The following MAGI2 variants were observed in gnomAD, a reference collection of about 807,000 sequenced individuals.
The protein encoded by MAGI2 is membrane-associated guanylate kinase, WW and PDZ domain-containing protein 2.
In MAGI2, 35 loss-of-function variants were observed where a neutral mutation model predicts 133.3. That is an observed-to-expected ratio of 0.26 (90% CI 0.20 to 0.35). MAGI2 has a LOEUF of 0.35. Among genes scored for constraint, MAGI2 ranks in the 10% least tolerant of loss-of-function variants. The probability of loss-of-function intolerance (pLI) is 1.00; values close to 1 mark genes in which losing one functional copy is unlikely to be tolerated. For synonymous variants in MAGI2, 729 were observed against 710.6 expected, an observed-to-expected ratio of 1.03 and a Z score of -0.41; for missense variants, 1,636 against 1,863.4, an observed-to-expected ratio of 0.88 and a Z score of 2.25.
At chr7:78,720,612 A>G (rs113688569) in intron 2 of MAGI2, among the ~76,000 whole-genome samples, 86 of 152,204 alleles carry the variant, frequency 5.7e-4, no homozygotes, top group Non-Finnish European at 1.1e-3. Context: ...CATTTGTGGT[A>G]CAGGACACCA....
chr7:78,991,615 G>A (rs563455496), intron 2 of MAGI2, among the ~76,000 whole-genome samples: 7 of 149,770 alleles, frequency 4.7e-5, no homozygotes, highest in Non-Finnish European at 1.0e-4. Flanking sequence ...TAAATAATGA[G>A]GAGAACACTC....
At chr7:78,690,754 G>C (rs1816869107) in intron 2 of MAGI2, among the ~76,000 whole-genome samples, 1 of 152,192 alleles carries the variant, frequency 6.6e-6, no homozygotes, top group Non-Finnish European at 1.5e-5. Context: ...AGGAAAGTGG[G>C]AGAGAGGATG....
chr7:79,356,506 C>A (rs1033730301), intron 1 of MAGI2, among the ~76,000 whole-genome samples: 5 of 152,076 alleles, frequency 3.3e-5, no homozygotes, highest in African/African-American at 1.2e-4. Context: ...TTCCTATTTA[C>A]AGCATTAATT....
At chr7:79,442,844 T>G (rs749817177) in intron 1 of MAGI2, among the ~76,000 whole-genome samples, 13 of 152,260 alleles carry the variant, frequency 8.5e-5, no homozygotes, top group Middle Eastern at 3.4e-3. Context: ...GCCAAGACTT[T>G]TGGAACATTT....
chr7:78,133,041 C>T lies in MAGI2; in HGVS notation c.3051G>A (p.Ser1017=), dbSNP rs200475307. The T allele has an allele frequency of 8.3e-6, 13 of 1,575,238 alleles. No homozygotes were observed. The highest frequency in any genetic ancestry group is 2.3e-5 in the East Asian group (1 of 43,462). Residue 1017 remains serine, a synonymous_variant, in exon 18 of 22, where the codon TCG becomes TCA. Transcript: ENST00000354212. ...GACTCTGCTTCTCTGAGCTGGGTGCCGAGGTGGGGCTGTTGAGCTCTGCGA... is the reference window on the plus strand; with the variant it reads ...GACTCTGCTTCTCTGAGCTGGGTGCTGAGGTGGGGCTGTTGAGCTCTGCGA... ...IPQEELNSPT[S]APSSEKQSPM...
intron 3 of MAGI2, among the ~76,000 whole-genome samples, chr7:78,604,003 G>A (rs1468019594): frequency 3.3e-5 from 5 of 151,984 alleles, no homozygotes; most frequent in Admixed American, 3.3e-4. Context: ...GGTCGGATTG[G>A]CACTAATGAA....
At chr7:78,851,029 T>G (rs1793083237) in intron 2 of MAGI2, among the ~76,000 whole-genome samples, 3 of 152,104 alleles carry the variant, frequency 2.0e-5, no homozygotes, top group Admixed American at 6.6e-5. Flanking sequence ...TTGCTTAACA[T>G]TAAACTTAGA....
At chr7:79,452,868 G>C in intron 1 of MAGI2, 152 bp downstream of exon 1, 1 of 745,698 alleles carries the variant, frequency 1.3e-6, no homozygotes, top group Admixed American at 3.3e-5. Context: ...TCGAATCCCC[G>C]GCGAAACTCA....
intron 20 of MAGI2, among the ~76,000 whole-genome samples, chr7:78,119,762 C>T (rs573552386): frequency 3.9e-5 from 6 of 152,086 alleles, no homozygotes; most frequent in African/African-American, 1.2e-4. Context: ...ACCTTCTTCT[C>T]AATTTTGCTG....
chr7:78,599,488 G>A (rs1415041127), intron 3 of MAGI2, among the ~76,000 whole-genome samples: 1 of 152,066 alleles, frequency 6.6e-6, no homozygotes, highest in East Asian at 1.9e-4. Flanking sequence ...GAGTCCTGGA[G>A]CTAAGAAAAG....
chr7:78,987,236 A>G (rs779087677), intron 2 of MAGI2, among the ~76,000 whole-genome samples: 19 of 152,064 alleles, frequency 1.2e-4, no homozygotes, highest in Non-Finnish European at 2.8e-4. Context: ...AGTGAGACTC[A>G]TATTAATGAG....
chr7:78,107,911 T>TTTTTTTTTTTGAGACGGAGTC (rs1303247287), intron 20 of MAGI2, among the ~76,000 whole-genome samples: 1 of 151,072 alleles, frequency 6.6e-6, no homozygotes, highest in Admixed American at 6.6e-5. Context: ...TGTTTATCTT[T>TTTTTTTTTTTGAGACGGAGTC]TCAAAAAACC....
intron 6 of MAGI2, among the ~76,000 whole-genome samples, chr7:78,476,683 T>G (rs1791786040): frequency 6.6e-6 from 1 of 151,852 alleles, no homozygotes; most frequent in African/African-American, 2.4e-5. Flanking sequence ...GTTCAAGGAG[T>G]TCCCACAAAG....
intron 10 of MAGI2, among the ~76,000 whole-genome samples, chr7:78,220,207 C>T (rs867274842): frequency 2.6e-5 from 4 of 152,174 alleles, no homozygotes; most frequent in African/African-American, 7.2e-5. Flanking sequence ...CCCATTTCTA[C>T]CTAGAACTCC....
At chr7:78,919,939 TTGA>T (rs1341851806) in intron 2 of MAGI2, among the ~76,000 whole-genome samples, 8 of 152,146 alleles carry the variant, frequency 5.3e-5, no homozygotes, top group Non-Finnish European at 7.4e-5. Flanking sequence ...GAGGTTTAAA[TTGA>T]TGAGATTTCA....
intron 3 of MAGI2, among the ~76,000 whole-genome samples, chr7:78,601,325 G>A (rs1338843089): frequency 6.6e-6 from 1 of 152,102 alleles, no homozygotes. Flanking sequence ...TTGGTTAGAT[G>A]TTAAGTGCTA....
At chr7:78,374,592 G>C (rs1361035859) in intron 6 of MAGI2, among the ~76,000 whole-genome samples, 1 of 151,776 alleles carries the variant, frequency 6.6e-6, no homozygotes, top group Non-Finnish European at 1.5e-5. Context: ...TGTTTTTGTT[G>C]CAATTGCTTT....
At chr7:78,924,401 T>C (rs1799518634) in intron 2 of MAGI2, among the ~76,000 whole-genome samples, 1 of 152,196 alleles carries the variant, frequency 6.6e-6, no homozygotes, top group African/African-American at 2.4e-5. Flanking sequence ...GATTTTACCA[T>C]GAAGTGTTGT....
At chr7:78,096,771 A>T (rs765918037) in intron 20 of MAGI2, among the ~76,000 whole-genome samples, 2 of 152,178 alleles carry the variant, frequency 1.3e-5, no homozygotes, top group African/African-American at 2.4e-5. Context: ...CAAAATGTGA[A>T]CTATTTGTCC....
Sources: allele counts gnomAD v4.1 joint callset (sites outside exome capture counted in the v4.1 genomes callset), GRCh38; gene constraint gnomAD v4.1.1; transcripts MANE v1.5; gene names NCBI Gene and HGNC (gene_info 2026-07-23, HGNC 2026-07-21).